The following SMIM14 variants were observed in gnomAD, a reference collection of about 807,000 sequenced individuals.
The protein encoded by SMIM14 is small integral membrane protein 14, also known as chromosome 4 open reading frame 34.
Under a neutral mutation model 12.6 loss-of-function variants are expected in SMIM14, and 5 were observed. The observed-to-expected ratio is 0.40, with a 90% CI of 0.21 to 0.83. SMIM14 has a LOEUF of 0.83. Among genes scored for constraint, SMIM14 ranks in the 40% least tolerant of loss-of-function variants. SMIM14 has a pLI of 0.37. For synonymous variants in SMIM14, 30 were observed against 40.1 expected, an observed-to-expected ratio of 0.75 and a Z score of 0.95; for missense variants, 86 against 119.1, an observed-to-expected ratio of 0.72 and a Z score of 1.29.
chr4:39,561,620 T>C (rs1039514423), intron 3 of SMIM14, among the ~76,000 whole-genome samples: 1 of 152,170 alleles, frequency 6.6e-6, no homozygotes, highest in Non-Finnish European at 1.5e-5. Context: ...GGATCCCTGA[T>C]TCTTTTTTAG....
At chr4:39,629,383 C>CATAT (rs71645114) in intron 1 of SMIM14, among the ~76,000 whole-genome samples, 22,760 of 117,950 alleles carry the variant, frequency 0.19, 2,563 homozygotes, top group East Asian at 0.4. Flanking sequence ...AAAAAAGATA[C>CATAT]ATATATATAT....
chr4:39,584,806 A>G (rs1560293214), intron 2 of SMIM14, among the ~76,000 whole-genome samples: 2 of 150,480 alleles, frequency 1.3e-5, no homozygotes, highest in Non-Finnish European at 3.0e-5. Flanking sequence ...AAAAAAAAAA[A>G]AAAAAGAAAA....
At chr4:39,568,272 CCTT>C (rs1484001643) in intron 3 of SMIM14, among the ~76,000 whole-genome samples, 1 of 150,798 alleles carries the variant, frequency 6.6e-6, no homozygotes, top group South Asian at 2.1e-4. Flanking sequence ...GAGCAAGACT[CCTT>C]CTCAAAAAAA....
In SMIM14 at chr4:39,554,654, CTTTTTTTTT is replaced by C. The variant is rs111326390; in HGVS notation, c.267+1765_267+1773del. ...AAGCAAATCTATCATGGAAATTTTC[CTTTTTTTTT>C]TTTTTTTTTTTTGATGCTCTATTAC... On this transcript the variant is annotated intron_variant, in intron 4 of 4. Coordinates refer to ENST00000295958, the MANE Select transcript of SMIM14 (RefSeq NM_174921.3). Among the ~76,000 whole-genome samples the C allele has an allele frequency of 4.8e-3, 458 of 95,196 alleles. 2 individuals carry two copies. Among genetic ancestry groups the C allele is most frequent in the Non-Finnish European group, 6.1e-3 (301 of 49,198 alleles). 62.5% of individuals were successfully genotyped at this position (95,196 alleles called of 152,430 possible). A position where few individuals can be genotyped will look rare whatever the true frequency, so the allele number is the denominator to read the frequency against.
At chr4:39,634,529 G>A (rs1425507004) in intron 1 of SMIM14, among the ~76,000 whole-genome samples, 1 of 152,180 alleles carries the variant, frequency 6.6e-6, no homozygotes, top group African/African-American at 2.4e-5. Context: ...ATGAAAACAT[G>A]TAACAGTAAT....
intron 2 of SMIM14, among the ~76,000 whole-genome samples, chr4:39,576,807 G>A (rs1404142058): frequency 1.4e-5 from 2 of 141,508 alleles, no homozygotes; most frequent in African/African-American, 5.2e-5. Context: ...CGCCTCCTGG[G>A]TTCAAGCGAT....
intron 1 of SMIM14, among the ~76,000 whole-genome samples, chr4:39,614,689 T>C (rs1715156676): frequency 6.6e-6 from 1 of 152,218 alleles, no homozygotes; most frequent in Non-Finnish European, 1.5e-5. Flanking sequence ...GTCAGCATTT[T>C]CCCATTTTTG....
intron 4 of SMIM14, among the ~76,000 whole-genome samples, chr4:39,553,169 G>A (rs180812827): frequency 6.0e-5 from 9 of 150,678 alleles, no homozygotes; most frequent in African/African-American, 2.0e-4. Flanking sequence ...CAAGTGATTC[G>A]CCTGCCTCAG....
intron 2 of SMIM14, among the ~76,000 whole-genome samples, chr4:39,595,757 C>T (rs4974942): frequency 0.62 from 93,405 of 151,344 alleles, 31,245 homozygotes; most frequent in Middle Eastern, 0.83. Context: ...TACAGGCACG[C>T]GTCATCACAC....
chr4:39,622,238 C>T (rs899684107), intron 1 of SMIM14, among the ~76,000 whole-genome samples: 15 of 151,496 alleles, frequency 9.9e-5, no homozygotes, highest in African/African-American at 2.2e-4. Flanking sequence ...CACCCGCCAT[C>T]GTGCCCAGCT....
rs1714314662 is a variant in SMIM14 at position 39,595,435 on chromosome 4, A to G, written c.75+9636T>C. On this transcript the variant is annotated intron_variant, in intron 2 of 4. Transcript: ENST00000295958. ...GGGGGGAGGGGGGAGGGATAGCTTT[A>G]GGAGATATACCTAATGCTAAATGAC... 2.7e-5 allele frequency among the ~76,000 whole-genome samples: 4 copies of G among 147,960 alleles called. No homozygotes were observed. The South Asian group carries it at 6.7e-4, about 25-fold the overall frequency.
At chr4:39,553,186 G>A (rs537852506) in intron 4 of SMIM14, among the ~76,000 whole-genome samples, 5 of 151,102 alleles carry the variant, frequency 3.3e-5, no homozygotes, top group Admixed American at 1.3e-4. Context: ...TCAGCCTCCC[G>A]AGTAGCTGGG....
chr4:39,624,495 G>A (rs1715615785), intron 1 of SMIM14, among the ~76,000 whole-genome samples: 1 of 152,112 alleles, frequency 6.6e-6, no homozygotes, highest in African/African-American at 2.4e-5. Context: ...GACAACTTTA[G>A]AGCAGTACAG....
chr4:39,619,006 C>T (rs1157785706), intron 1 of SMIM14, among the ~76,000 whole-genome samples: 1 of 151,870 alleles, frequency 6.6e-6, no homozygotes, highest in East Asian at 1.9e-4. Context: ...ATTCCACAAG[C>T]CTGTCTTTGG....
At chr4:39,567,593 C>T (rs1479268754) in intron 3 of SMIM14, among the ~76,000 whole-genome samples, 2 of 151,856 alleles carry the variant, frequency 1.3e-5, no homozygotes, top group South Asian at 2.1e-4. Context: ...AAAAATTAGC[C>T]GGGTGTGGTG....
intron 1 of SMIM14, among the ~76,000 whole-genome samples, chr4:39,625,346 A>T (rs1027059338): frequency 6.6e-6 from 1 of 152,188 alleles, no homozygotes; most frequent in Non-Finnish European, 1.5e-5. Flanking sequence ...ACAAAATTTA[A>T]ATGTTGAAAT....
intron 2 of SMIM14, chr4:39,593,485 A>G (rs1425638233): frequency 2.6e-5 from 4 of 152,192 alleles, no homozygotes; most frequent in Non-Finnish European, 4.4e-5. Context: ...TCCCTTTGAA[A>G]ACTGGCACAA....
intron 3 of SMIM14, among the ~76,000 whole-genome samples, chr4:39,568,899 A>G (rs1052044834): frequency 3.3e-5 from 5 of 152,188 alleles, no homozygotes; most frequent in South Asian, 2.1e-4. Flanking sequence ...AAACTTGCCA[A>G]TATGCCTAAA....
At chr4:39,561,203 C>A (rs900902428) in intron 3 of SMIM14, among the ~76,000 whole-genome samples, 1 of 152,148 alleles carries the variant, frequency 6.6e-6, no homozygotes, top group Non-Finnish European at 1.5e-5. Context: ...TTCCAATGAG[C>A]ATTTCCTTTG....
Sources: gnomAD v4.1 joint callset for allele counts (sites outside exome capture counted in the v4.1 genomes callset) on GRCh38, gnomAD v4.1.1 for gene constraint, MANE v1.5 for transcripts, NCBI Gene and HGNC (gene_info 2026-07-23, HGNC 2026-07-21) for gene names.